Variants in PKHD1 observed in about 807,000 individuals in gnomAD.
PKHD1 encodes fibrocystin.
A neutral mutation model predicts 412.0 loss-of-function variants in PKHD1; 291 were observed. That is an observed-to-expected ratio of 0.71 (90% confidence interval 0.64 to 0.78). The LOEUF (loss-of-function observed/expected upper bound fraction) is 0.78, where lower values mean the gene tolerates loss of function less well. Among genes scored for constraint, PKHD1 ranks in the 30% least tolerant of loss-of-function variants. The pLI is 0.00. For synonymous variants in PKHD1, 1,777 were observed against 1,821.5 expected (o/e 0.98, Z 0.62); for missense variants, 4,825 against 4,950.7 (o/e 0.97, Z 0.76).
At chr6:51,753,430 C>A in intron 56 of PKHD1, 77 bp from the exon 57 acceptor site, 1 of 1,198,220 alleles carries the variant, frequency 8.3e-7, no homozygotes, top group Non-Finnish European at 1.2e-6. Context: ...ACCCAGCAAA[C>A]CTGAGAAATG....
chr6:52,059,897 G>A (rs1168666619), intron 15 of PKHD1, 31 bp downstream of exon 15: 13 of 1,088,274 alleles, frequency 1.2e-5, no homozygotes, highest in African/African-American at 3.1e-5. Context: ...ACTGGCAACA[G>A]AGAAAAGGAA....
intron 35 of PKHD1, among the ~76,000 whole-genome samples, chr6:51,972,476 A>C (rs1158936263): frequency 6.6e-6 from 1 of 152,242 alleles, no homozygotes; most frequent in Non-Finnish European, 1.5e-5. Context: ...GAGGAAACCC[A>C]GGAAGATGTT....
At chr6:51,971,291 C>A (rs1305541223) in intron 35 of PKHD1, among the ~76,000 whole-genome samples, 1 of 152,068 alleles carries the variant, frequency 6.6e-6, no homozygotes, top group African/African-American at 2.4e-5. Flanking sequence ...ACTATAAGGA[C>A]CTTCTTGAGA....
rs200114268 is a variant in PKHD1, at chr6:51,648,111, C to A, written c.11318G>T (p.Arg3773Ile). The stretch of plus-strand genomic sequence containing the variant: ...TGAAGGAGGTCCCAGGGACTCTACT[C>A]TTCGATTCTAGAAATGGGAATAGGA... The part of the protein sequence containing the change: ...QLVFLDEQNR[R>I]VESLGPPSEP... The change falls in exon 63 of 67, where the codon AGA (arginine) becomes ATA (isoleucine). Residue 3773 changes from arginine to isoleucine, a missense_variant. Physicochemically the swap from Arg to Ile is moderately conservative, Grantham distance 97 (BLOSUM62 -3). Transcript: ENST00000371117. 69 of 1,590,570 alleles carry A rather than the reference C, an allele frequency of 4.3e-5. No homozygotes were observed. The East Asian group carries it at 1.2e-3, about 27-fold the overall frequency.
At chr6:51,854,588 C>T (rs1772943717) in intron 49 of PKHD1, among the ~76,000 whole-genome samples, 2 of 152,150 alleles carry the variant, frequency 1.3e-5, no homozygotes, top group Admixed American at 6.5e-5. Context: ...GGCTCAGACC[C>T]AGGGAGATAT....
intron 55 of PKHD1, among the ~76,000 whole-genome samples, chr6:51,762,234 G>A (rs929941755): frequency 6.6e-5 from 10 of 151,978 alleles, no homozygotes; most frequent in African/African-American, 1.4e-4. Flanking sequence ...TCCATGTCTC[G>A]TTTAAAATCT....
chr6:51,937,835 ATGGT>A (rs1561930044), intron 36 of PKHD1, among the ~76,000 whole-genome samples: 5 of 152,136 alleles, frequency 3.3e-5, no homozygotes, highest in Admixed American at 1.3e-4. Flanking sequence ...CCTTAATGCA[ATGGT>A]CTCTGTGGCT....
intron 60 of PKHD1, among the ~76,000 whole-genome samples, chr6:51,697,070 T>C (rs1000322467): frequency 6.6e-6 from 1 of 152,062 alleles, no homozygotes; most frequent in Non-Finnish European, 1.5e-5. Flanking sequence ...GCACCTGATG[T>C]CCCAGCTACT....
intron 34 of PKHD1, among the ~76,000 whole-genome samples, chr6:52,015,996 A>T (rs1800479407): frequency 6.6e-6 from 1 of 152,150 alleles, no homozygotes; most frequent in African/African-American, 2.4e-5. Flanking sequence ...GAAGAACCCC[A>T]AAGAAGAGTT....
In PKHD1 at chr6:52,070,949, C is replaced by T. The variant is rs17576809; in HGVS notation, c.667+57G>A. 508,960 of 1,053,082 alleles carry T rather than the reference C, an allele frequency of 0.48. 129,285 individuals carry two copies. The highest frequency in any genetic ancestry group is 0.62 in the Admixed American group (36,645 of 59,084). 65.2% of individuals were successfully genotyped at this position (1,053,082 alleles called of 1,614,324 possible). On this transcript the variant is annotated intron_variant, in intron 9 of 66. Coordinates refer to ENST00000371117, the MANE Select transcript of PKHD1 (RefSeq NM_138694.4). Reference sequence around the variant, plus strand: ...AACCAATCTTGCAATTGCTTTTGTCCGGATACAGAGAAAGAAATGGATAAG... The same window carrying T: ...AACCAATCTTGCAATTGCTTTTGTCTGGATACAGAGAAAGAAATGGATAAG...
In PKHD1 at chr6:51,869,319, C is replaced by G. The variant is rs147277322; in HGVS notation, c.7486+1185G>C. 1.9e-3 allele frequency among the ~76,000 whole-genome samples: 283 copies of G among 152,186 alleles called. 1 individual carries two copies. The highest frequency in any genetic ancestry group is 5.3e-3 in the Admixed American group (81 of 15,274). ...CAAACTTCTATTCACCTTCCTAAAC[C>G]CTACTCAAGAATAACCTCTATGAGC... On this transcript the variant is annotated intron_variant, in intron 47 of 66. Coordinates refer to ENST00000371117, the MANE Select transcript of PKHD1 (RefSeq NM_138694.4).
chr6:51,637,468 C>T (rs1009348356), intron 64 of PKHD1, among the ~76,000 whole-genome samples: 2 of 152,074 alleles, frequency 1.3e-5, no homozygotes, highest in African/African-American at 4.8e-5. Context: ...ATAATGAGCA[C>T]TTGTCGACAG....
chr6:52,035,449 A>T, intron 28 of PKHD1, 142 bp downstream of exon 28: 1 of 860,458 alleles, frequency 1.2e-6, no homozygotes, highest in Non-Finnish European at 2.0e-6. Context: ...AGCAAAACAG[A>T]CAATATAACT....
chr6:51,633,926 G>T (rs1369880803), intron 64 of PKHD1, among the ~76,000 whole-genome samples: 1 of 151,926 alleles, frequency 6.6e-6, no homozygotes, highest in Non-Finnish European at 1.5e-5. Flanking sequence ...TTTAATTTTG[G>T]GGGTGATGAA....
intron 60 of PKHD1, chr6:51,720,989 C>T: frequency 1.0e-6 from 1 of 984,030 alleles, no homozygotes; most frequent in Non-Finnish European, 1.2e-6. Flanking sequence ...GCAAAGGTAG[C>T]AATTTTAGGA....
chr6:51,647,242 C>T (rs150901409), intron 63 of PKHD1, among the ~76,000 whole-genome samples: 18 of 152,170 alleles, frequency 1.2e-4, no homozygotes, highest in African/African-American at 2.4e-4. Context: ...TGTATTTCAA[C>T]GGTTTTGTGT....
intron 64 of PKHD1, among the ~76,000 whole-genome samples, chr6:51,636,232 T>C (rs1310534349): frequency 6.6e-6 from 1 of 151,948 alleles, no homozygotes; most frequent in Non-Finnish European, 1.5e-5. Context: ...TGAGGGAAAA[T>C]AGTGGAAATG....
At chr6:51,796,430 TAG>T (rs980230672) in intron 52 of PKHD1, among the ~76,000 whole-genome samples, 2 of 78,714 alleles carry the variant, frequency 2.5e-5, no homozygotes, top group East Asian at 3.0e-3. Context: ...TCTATTTAAT[TAG>T]TTTTTTTTTC....
At chr6:51,862,918 A>G (rs1025269317) in intron 48 of PKHD1, among the ~76,000 whole-genome samples, 1 of 152,216 alleles carries the variant, frequency 6.6e-6, no homozygotes. Context: ...ATTAAGTTAC[A>G]TTACCTAATT....
Sources: allele counts gnomAD v4.1 joint callset (sites outside exome capture counted in the v4.1 genomes callset), GRCh38; gene constraint gnomAD v4.1.1; transcripts MANE v1.5; gene names NCBI Gene and HGNC (gene_info 2026-07-23, HGNC 2026-07-21).